CD109: variants seen among roughly 807,000 people sequenced by gnomAD.
CD109 encodes the protein CD109 molecule, also known as CD109 antigen.
Under a neutral mutation model 165.8 loss-of-function variants are expected in CD109, and 149 were observed. That is an observed-to-expected ratio of 0.90 (90% CI 0.79 to 1.03). The LOEUF is 1.03. Ranked by LOEUF, CD109 falls within the 50% of genes least tolerant of loss-of-function variation. CD109 has a pLI of 0.00. For missense variants in CD109, 1,712 were observed against 1,677.8 expected (o/e 1.02, Z -0.36); for synonymous variants, 585 against 592.1 (o/e 0.99, Z 0.18).
At chr6:73,745,398 C>A (rs1772945019) in intron 5 of CD109, among the ~76,000 whole-genome samples, 5 of 152,266 alleles carry the variant, frequency 3.3e-5, no homozygotes, top group Middle Eastern at 3.4e-3. Flanking sequence ...AGTCATCATG[C>A]CTGGCCAGCA....
intron 7 of CD109, among the ~76,000 whole-genome samples, chr6:73,760,779 A>G (rs911364175): frequency 3.9e-4 from 60 of 152,170 alleles, no homozygotes; most frequent in African/African-American, 1.4e-3. Flanking sequence ...TGGGAGGCAG[A>G]GGTTGCAGTG....
At chr6:73,802,705 T>C (rs953808697) in intron 23 of CD109, among the ~76,000 whole-genome samples, 2 of 151,660 alleles carry the variant, frequency 1.3e-5, no homozygotes, top group African/African-American at 4.8e-5. Context: ...CTTTTTTTTT[T>C]TTTTTTGAGA....
the CD109 span, among the ~76,000 whole-genome samples, chr6:73,680,294 T>C: frequency 6.6e-6 from 1 of 152,210 alleles, no homozygotes; most frequent in East Asian, 1.9e-4. Context: ...AACACATTTT[T>C]GCATAAGGAG....
Position 73,808,175 on chromosome 6 carries a change from T to G in CD109, c.3282T>G (p.Tyr1094Ter). The change falls in exon 26 of 33, where the codon TAT (tyrosine) becomes TAG (stop). Residue 1094 changes from tyrosine (Y) to a stop codon, truncating the protein, a stop_gained. Transcript: ENST00000287097. LOFTEE classifies it high-confidence loss of function. Reference protein sequence around the residue: ...SDNYTLALITYALSSVGSPKA... With the variant: ...SDNYTLALIT ...ATTATACTCTAGCCCTTATAACTTA[T>G]GCATTGTCATCAGTGGGGAGTCCTA... 2 of 1,613,628 alleles carry G rather than the reference T, an allele frequency of 1.2e-6. No individual in the cohort carries two copies. The highest frequency in any genetic ancestry group is 1.1e-5 in the South Asian group (1 of 91,062).
upstream of CD109, chr6:73,694,221 C>T (rs978873064): frequency 6.6e-6 from 1 of 152,220 alleles, no homozygotes; most frequent in Non-Finnish European, 1.5e-5. Flanking sequence ...AAAAATCCCA[C>T]TTCTGAGATG....
At chr6:73,731,732 G>T (rs542175981) in intron 4 of CD109, among the ~76,000 whole-genome samples, 1 of 152,252 alleles carries the variant, frequency 6.6e-6, no homozygotes, top group South Asian at 2.1e-4. Context: ...TGTGATCCTG[G>T]GTAAATTTAT....
At chr6:73,821,942 A>G (rs1402801421) in intron 32 of CD109, among the ~76,000 whole-genome samples, 2 of 152,250 alleles carry the variant, frequency 1.3e-5, no homozygotes, top group African/African-American at 2.4e-5. Flanking sequence ...TCTGCAATGC[A>G]GTAGCATCGG....
chr6:73,713,134 C>A (rs1771597676), intron 2 of CD109, among the ~76,000 whole-genome samples: 1 of 151,988 alleles, frequency 6.6e-6, no homozygotes, highest in South Asian at 2.1e-4. Context: ...TAAATTATTG[C>A]TAAATGAATA....
intron 2 of CD109, among the ~76,000 whole-genome samples, chr6:73,704,973 A>C (rs1422029834): frequency 6.6e-6 from 1 of 152,166 alleles, no homozygotes; most frequent in Non-Finnish European, 1.5e-5. Context: ...CCATTCATAA[A>C]TGTCCCACCT....
chr6:73,769,971 TCTG>T (rs1773978470), intron 14 of CD109, among the ~76,000 whole-genome samples: 1 of 152,238 alleles, frequency 6.6e-6, no homozygotes, highest in Non-Finnish European at 1.5e-5. Flanking sequence ...TAAACTCAAC[TCTG>T]CTGAAACAAA....
intron 28 of CD109, among the ~76,000 whole-genome samples, 176 bp downstream of exon 28, chr6:73,811,323 A>G (rs1376318139): frequency 5.3e-5 from 8 of 152,080 alleles, no homozygotes; most frequent in Admixed American, 2.6e-4. Flanking sequence ...AAGGGTGGGG[A>G]ACTTTGGAAA....
Position 73,823,545 on chromosome 6 carries a change from A to G in CD109, c.4250A>G (p.Glu1417Gly). The part of the protein sequence containing the change: ...CSDVQGCRPC[E>G]DGASGSHHHS... ...GATGTCCAGGGCTGCCGTCCTTGTGAGGATGGAGCTTCAGGCTCCCATCAT... is the reference window on the plus strand; with the variant it reads ...GATGTCCAGGGCTGCCGTCCTTGTGGGGATGGAGCTTCAGGCTCCCATCAT... The change falls in exon 33 of 33, where the codon GAG (glutamate) becomes GGG (glycine). Residue 1417 changes from glutamate to glycine, a missense_variant. Transcript: ENST00000287097. 6.2e-7 allele frequency: 1 copy of G among 1,613,946 alleles called. No homozygotes were observed. Among genetic ancestry groups the G allele is most frequent in the Non-Finnish European group, 8.5e-7 (1 of 1,179,956 alleles).
At position 73,824,798 on chromosome 6, in the gene CD109, C is replaced by T. The variant is rs903927721; in HGVS notation, c.*1165C>T. 1 of 152,004 alleles carries T rather than the reference C, an allele frequency of 6.6e-6. No homozygotes were observed. 9.4% of individuals were successfully genotyped at this position (152,004 alleles called of 1,614,324 possible). A position where few individuals can be genotyped will look rare whatever the true frequency, so the allele number is the denominator to read the frequency against. On this transcript the variant is annotated 3_prime_UTR_variant, in exon 33 of 33. Transcript: ENST00000287097. ...TGGATGGAAATTTTAAAGATGAATCCCCCTTTTTTCTTTTCTTCTCTCTTT... is the reference window on the plus strand; with the variant it reads ...TGGATGGAAATTTTAAAGATGAATCTCCCTTTTTTCTTTTCTTCTCTCTTT...
At position 73,827,158 on chromosome 6, in the gene CD109, A is replaced by T. The variant is rs1224780338; in HGVS notation, c.*3525A>T. 1 of 152,176 alleles carries T rather than the reference A, an allele frequency of 6.6e-6. No individual in the cohort carries two copies. The highest frequency in any genetic ancestry group is 1.5e-5 in the Non-Finnish European group (1 of 68,036). 9.4% of individuals were successfully genotyped at this position (152,176 alleles called of 1,614,324 possible). On this transcript the variant is annotated 3_prime_UTR_variant, in exon 33 of 33. Coordinates refer to ENST00000287097, the MANE Select transcript of CD109 (RefSeq NM_133493.5). ...ATTGAATACTCATTTCTTTCTAAAAATATGTTGTAAATTCTCCCTTGGCAA... is the reference window on the plus strand; with the variant it reads ...ATTGAATACTCATTTCTTTCTAAAATTATGTTGTAAATTCTCCCTTGGCAA...
chr6:73,683,422 C>T, the CD109 span, among the ~76,000 whole-genome samples: 1 of 152,186 alleles, frequency 6.6e-6, no homozygotes, highest in Non-Finnish European at 1.5e-5. Flanking sequence ...TCTGAGACCA[C>T]CTCAGCCTGG....
At chr6:73,723,088 T>C (rs1772020534) in intron 2 of CD109, 163 bp from the exon 3 acceptor site, 1 of 973,976 alleles carries the variant, frequency 1.0e-6, no homozygotes, top group Admixed American at 6.2e-5. Flanking sequence ...TATGTAATAA[T>C]TTCTTGGGTC....
upstream of CD109, among the ~76,000 whole-genome samples, chr6:73,690,834 A>C (rs1770679968): frequency 6.6e-6 from 1 of 152,268 alleles, no homozygotes; most frequent in Non-Finnish European, 1.5e-5. Context: ...CTCTTTAAAA[A>C]AGATACCAGC....
intron 2 of CD109, among the ~76,000 whole-genome samples, chr6:73,707,553 C>T (rs1771328115): frequency 6.6e-6 from 1 of 152,024 alleles, no homozygotes; most frequent in Admixed American, 6.5e-5. Flanking sequence ...GAAATTGAAC[C>T]CTAGCATCAC....
intron 30 of CD109, among the ~76,000 whole-genome samples, chr6:73,816,274 A>G (rs1350074840): frequency 6.6e-6 from 1 of 152,114 alleles, no homozygotes; most frequent in Non-Finnish European, 1.5e-5. Flanking sequence ...GACTCCAATT[A>G]TTTTTTACGA....
Sources: allele counts gnomAD v4.1 joint callset (sites outside exome capture counted in the v4.1 genomes callset), GRCh38; gene constraint gnomAD v4.1.1; transcripts MANE v1.5; gene names NCBI Gene and HGNC (gene_info 2026-07-23, HGNC 2026-07-21).